SIK3: variants seen among roughly 807,000 people sequenced by gnomAD.
SIK3 encodes SIK family kinase 3.
SIK3 carries 28 observed loss-of-function variants against 144.2 expected under a neutral mutation model. That is an observed-to-expected ratio of 0.19 (90% CI 0.14 to 0.27). SIK3 has a LOEUF of 0.27. Among genes scored for constraint, SIK3 ranks in the 10% least tolerant of loss-of-function variants. The pLI is 1.00. For missense variants in SIK3, 1,319 were observed against 1,776.0 expected, an observed-to-expected ratio of 0.74 and a Z score of 4.62; for synonymous variants, 686 against 676.3, an observed-to-expected ratio of 1.01 and a Z score of -0.22.
intron 1 of SIK3, among the ~76,000 whole-genome samples, chr11:116,993,742 G>C (rs762517502): frequency 1.3e-4 from 20 of 152,178 alleles, no homozygotes; most frequent in Non-Finnish European, 2.5e-4. Flanking sequence ...TAAAGAATGA[G>C]CGGAAAAATC....
At chr11:116,889,921 A>T (rs1565414048) in intron 6 of SIK3, among the ~76,000 whole-genome samples, 1 of 152,132 alleles carries the variant, frequency 6.6e-6, no homozygotes, top group Non-Finnish European at 1.5e-5. Context: ...AAAAGAAATT[A>T]TTTTATAAAC....
rs764496219 is a variant in SIK3, at chr11:116,875,401, C to T, written c.1290G>A (p.Leu430=). ...CCACAATTTGGTTCTCTGGGTTGAT[C>T]AGCTGCACCTGGGGAACGCTGATGT... ...AMNISVPQVQ[L]INPENQIVEP... Residue 430 remains leucine (L), a synonymous_variant, in exon 10 of 25, where the codon CTG becomes CTA. Coordinates refer to ENST00000445177, the MANE Select transcript of SIK3 (RefSeq NM_001366686.3). The T allele has an allele frequency of 6.2e-6, 10 of 1,614,086 alleles. No individual in the cohort carries two copies. The highest frequency in any genetic ancestry group is 8.5e-6 in the Non-Finnish European group (10 of 1,180,050).
intron 4 of SIK3, among the ~76,000 whole-genome samples, chr11:116,917,465 TTAGG>T (rs1347535112): frequency 6.6e-6 from 1 of 151,882 alleles, no homozygotes; most frequent in Non-Finnish European, 1.5e-5. Context: ...ATCCCAACAG[TTAGG>T]TAGGTGGGGT....
rs780230751 is a variant in SIK3 at position 116,858,728 on chromosome 11, T to A, written c.2766-29A>T. 4 of 1,519,948 alleles carry A rather than the reference T, an allele frequency of 2.6e-6. No individual in the cohort carries two copies. The highest frequency in any genetic ancestry group is 3.5e-6 in the Non-Finnish European group (4 of 1,133,872). The allele number at this position is 1,519,948 out of a possible 1,614,324, so 94.2% of individuals were successfully genotyped here. Reference sequence around the variant, plus strand: ...CAGACACAAAAGGGAGTACCAGACATCCATGTAACAAGTACTAGACTTCCT... The same window carrying A: ...CAGACACAAAAGGGAGTACCAGACAACCATGTAACAAGTACTAGACTTCCT... On this transcript the variant is annotated intron_variant, in intron 20 of 24. Coordinates refer to ENST00000445177, the MANE Select transcript of SIK3 (RefSeq NM_001366686.3). This position sits in a 1 kb window ranked among gnomAD's most constrained non-coding sequence, Gnocchi z 5.4.
chr11:117,060,642 G>A (rs1195504565), intron 1 of SIK3, among the ~76,000 whole-genome samples: 3 of 151,876 alleles, frequency 2.0e-5, no homozygotes, highest in African/African-American at 7.3e-5. Context: ...CTGAGGAGAG[G>A]AAGGGATGAA....
In SIK3 at chr11:116,951,368, T is replaced by G. The variant is rs554504857; in HGVS notation, c.454+2676A>C. On this transcript the variant is annotated intron_variant, in intron 3 of 24. Transcript: ENST00000445177. ...TACACTATTTTCTTCCACATCTGGATCTTTTATAATAATATTACTTAATAG... is the reference window on the plus strand; with the variant it reads ...TACACTATTTTCTTCCACATCTGGAGCTTTTATAATAATATTACTTAATAG... Among the ~76,000 whole-genome samples, 30 of 152,304 alleles carry G rather than the reference T, an allele frequency of 2.0e-4. No individual in the cohort carries two copies. The South Asian group carries it at 6.2e-3, about 32-fold the overall frequency.
intron 1 of SIK3, among the ~76,000 whole-genome samples, chr11:117,059,966 C>A (rs4938331): frequency 0.46 from 69,259 of 152,098 alleles, 19,140 homozygotes; most frequent in Non-Finnish European, 0.64. Flanking sequence ...ACTAAACATT[C>A]TCTTACTATA....
chr11:116,932,256 A>C (rs74615346), intron 3 of SIK3, among the ~76,000 whole-genome samples: 11,046 of 152,248 alleles, frequency 0.073, 493 homozygotes, highest in Middle Eastern at 0.11. Flanking sequence ...CCAAGGTAGT[A>C]ATCTTTTTTT....
chr11:117,092,686 G>A (rs1955300332), intron 1 of SIK3, among the ~76,000 whole-genome samples: 1 of 152,144 alleles, frequency 6.6e-6, no homozygotes, highest in Non-Finnish European at 1.5e-5. Context: ...AATGATTAAG[G>A]GAAAGGTTCC....
intron 1 of SIK3, among the ~76,000 whole-genome samples, chr11:117,046,104 C>T (rs1952951804): frequency 1.3e-5 from 2 of 152,224 alleles, no homozygotes; most frequent in Non-Finnish European, 2.9e-5. Context: ...ATCCATCTGT[C>T]TTTCACAATA....
chr11:116,942,055 T>C (rs574032252), intron 3 of SIK3, among the ~76,000 whole-genome samples: 1 of 152,198 alleles, frequency 6.6e-6, no homozygotes, highest in Non-Finnish European at 1.5e-5. Context: ...GAAGTCTATT[T>C]ATTACACTGC....
intron 4 of SIK3, among the ~76,000 whole-genome samples, chr11:116,925,186 T>C (rs1323761641): frequency 6.6e-6 from 1 of 152,078 alleles, no homozygotes; most frequent in East Asian, 1.9e-4. Context: ...GAAGTTGAGG[T>C]TGCAGTGAGC....
At chr11:117,006,666 A>C (rs1369445684) in intron 1 of SIK3, among the ~76,000 whole-genome samples, 1 of 152,060 alleles carries the variant, frequency 6.6e-6, no homozygotes, top group Non-Finnish European at 1.5e-5. Context: ...AGAAAGAAAA[A>C]AAAGATCTTC....
intron 21 of SIK3, among the ~76,000 whole-genome samples, chr11:116,854,815 G>A (rs1485285841): frequency 6.6e-6 from 1 of 152,044 alleles, no homozygotes; most frequent in African/African-American, 2.4e-5. Flanking sequence ...TGAAAGCCAG[G>A]CATGGTGGCT....
intron 3 of SIK3, among the ~76,000 whole-genome samples, chr11:116,947,190 T>TAAATTATTATTTATATATAA (rs1948669076): frequency 2.4e-5 from 3 of 124,794 alleles, no homozygotes; most frequent in African/African-American, 6.3e-5. Flanking sequence ...ATATAATATA[T>TAAATTATTATTTATATATAA]TATATACAAA....
Position 116,889,312 on chromosome 11 carries a change from C to T in SIK3, c.865+6941G>A, listed in dbSNP as rs549854632. Among the ~76,000 whole-genome samples the T allele has an allele frequency of 1.2e-3, 176 of 152,220 alleles. No individual in the cohort carries two copies. In the Middle Eastern group the frequency reaches 0.041, roughly 35 times the overall value. ...CGTATGCTGGCTTCTGCCCATAATC[C>T]CAGCACTCTGGGAGGCCAAGGTGGG... On this transcript the variant is annotated intron_variant, in intron 6 of 24. Coordinates refer to ENST00000445177, the MANE Select transcript of SIK3 (RefSeq NM_001366686.3).
intron 4 of SIK3, among the ~76,000 whole-genome samples, chr11:116,904,364 T>C (rs1322873739): frequency 6.6e-6 from 1 of 152,172 alleles, no homozygotes; most frequent in Non-Finnish European, 1.5e-5. Flanking sequence ...TAGGGGCATA[T>C]GGCAAGAAAT....
intron 1 of SIK3, among the ~76,000 whole-genome samples, chr11:117,048,256 T>C (rs1032876814): frequency 6.6e-6 from 1 of 152,168 alleles, no homozygotes; most frequent in African/African-American, 2.4e-5. Context: ...CAAAAATAAG[T>C]AGGCCATTGG....
intron 1 of SIK3, among the ~76,000 whole-genome samples, chr11:117,047,294 G>A (rs1276053861): frequency 2.0e-5 from 3 of 152,148 alleles, no homozygotes; most frequent in Non-Finnish European, 2.9e-5. Context: ...AGTTTCACAC[G>A]TGACACTAGT....
Sources: gnomAD v4.1 joint callset for allele counts (sites outside exome capture counted in the v4.1 genomes callset) on GRCh38, gnomAD v4.1.1 for gene constraint, Gnocchi (gnomAD v3.1) non-coding constraint, MANE v1.5 for transcripts, NCBI Gene and HGNC (gene_info 2026-07-23, HGNC 2026-07-21) for gene names.